Variants in PHF24 observed in about 807,000 individuals in gnomAD.
PHF24 encodes the protein Galpha inhibitory interacting protein.
Under a neutral mutation model 42.6 loss-of-function variants are expected in PHF24, and 25 were observed. That is an observed-to-expected ratio of 0.59 (90% CI 0.43 to 0.82). The LOEUF (loss-of-function observed/expected upper bound fraction) is 0.82, where lower values mean the gene tolerates loss of function less well. Among genes scored for constraint, PHF24 ranks in the 40% least tolerant of loss-of-function variants. The pLI is 0.00. For missense variants in PHF24, 470 were observed against 538.1 expected, an observed-to-expected ratio of 0.87 and a Z score of 1.25; for synonymous variants, 185 against 204.8, an observed-to-expected ratio of 0.90 and a Z score of 0.83.
At chr9:34,939,588 A>G in the PHF24 span, among the ~76,000 whole-genome samples, 5 of 152,236 alleles carry the variant, frequency 3.3e-5, no homozygotes, top group African/African-American at 1.2e-4. Flanking sequence ...TGGACCTGCC[A>G]TAATATCCCT....
chr9:34,696,461 C>A, the PHF24 span, among the ~76,000 whole-genome samples: 2 of 140,992 alleles, frequency 1.4e-5, no homozygotes, highest in African/African-American at 5.4e-5. Context: ...GCACTCCAGG[C>A]TGGCGACAGA....
chr9:34,966,582 C>CG (rs897386920), intron 1 of PHF24, among the ~76,000 whole-genome samples: 16 of 150,510 alleles, frequency 1.1e-4, no homozygotes, highest in Non-Finnish European at 2.1e-4. Flanking sequence ...ATGGCGAGAC[C>CG]CCCCCCCTCG....
At chr9:34,922,680 C>T in the PHF24 span, 1 of 1,322,078 alleles carries the variant, frequency 7.6e-7, no homozygotes, top group African/African-American at 1.5e-5. Flanking sequence ...TCTCTGTATT[C>T]TTGAGCCATC....
the PHF24 span, among the ~76,000 whole-genome samples, chr9:34,927,226 A>G: frequency 6.6e-6 from 1 of 152,100 alleles, no homozygotes; most frequent in Admixed American, 6.5e-5. Context: ...GCTGTGCAGG[A>G]CCAGAGTCAC....
chr9:34,724,066 C>T, the PHF24 span: 6 of 1,517,040 alleles, frequency 4.0e-6, no homozygotes, highest in Non-Finnish European at 5.3e-6. Context: ...CTCTGTGGTC[C>T]CTGGCTGCTT....
chr9:34,723,083 G>T, the PHF24 span: 1 of 880,952 alleles, frequency 1.1e-6, no homozygotes, highest in Non-Finnish European at 1.7e-6. Context: ...TATTTCTAGT[G>T]GCATCTGTCC....
the PHF24 span, among the ~76,000 whole-genome samples, chr9:34,924,976 T>C: frequency 6.6e-6 from 1 of 152,202 alleles, no homozygotes; most frequent in Non-Finnish European, 1.5e-5. Flanking sequence ...CATGTTTTCT[T>C]GATAATGGTA....
the PHF24 span, among the ~76,000 whole-genome samples, chr9:34,760,756 C>T: frequency 3.3e-5 from 5 of 152,176 alleles, no homozygotes; most frequent in East Asian, 5.8e-4. Flanking sequence ...CTTTGTGAGG[C>T]CGAGGTGGGA....
chr9:34,830,621 G>T, the PHF24 span, among the ~76,000 whole-genome samples: 1 of 152,150 alleles, frequency 6.6e-6, no homozygotes, highest in Admixed American at 6.5e-5. Flanking sequence ...TGCCTTTGGT[G>T]GTGGATCACT....
the PHF24 span, among the ~76,000 whole-genome samples, chr9:34,799,558 C>G: frequency 6.6e-6 from 1 of 152,110 alleles, no homozygotes; most frequent in African/African-American, 2.4e-5. Flanking sequence ...ACTTTGATAC[C>G]TTTGTGGTCC....
At chr9:34,942,861 CA>C in the PHF24 span, among the ~76,000 whole-genome samples, 538 of 150,910 alleles carry the variant, frequency 3.6e-3, 2 homozygotes, top group African/African-American at 0.012. Context: ...GGATGGGGGG[CA>C]GGGGGGAGGC....
chr9:34,679,670 G>A, the PHF24 span, among the ~76,000 whole-genome samples: 776 of 152,254 alleles, frequency 5.1e-3, 7 homozygotes, highest in African/African-American at 0.017. Context: ...AGCCGAGATC[G>A]CGGCTCTGCA....
chr9:34,878,816 A>C, the PHF24 span, among the ~76,000 whole-genome samples: 1 of 152,244 alleles, frequency 6.6e-6, no homozygotes, highest in Non-Finnish European at 1.5e-5. Flanking sequence ...AAAGGAGCAG[A>C]AACTTCTGCA....
the PHF24 span, among the ~76,000 whole-genome samples, chr9:34,710,965 A>G: frequency 5.9e-4 from 90 of 152,026 alleles, no homozygotes; most frequent in Admixed American, 1.1e-3. Context: ...CCTTTTCTAT[A>G]TATTTTGTAG....
the PHF24 span, among the ~76,000 whole-genome samples, chr9:34,735,540 C>T: frequency 0.023 from 3,465 of 151,860 alleles, 67 homozygotes; most frequent in Non-Finnish European, 0.036. Flanking sequence ...GTGGCTCACG[C>T]CTGTAATCCT....
the PHF24 span, among the ~76,000 whole-genome samples, chr9:34,703,828 A>G: frequency 6.6e-6 from 1 of 151,942 alleles, no homozygotes; most frequent in Non-Finnish European, 1.5e-5. Context: ...TGCCTCCCAA[A>G]GAGCTGAGAT....
the PHF24 span, among the ~76,000 whole-genome samples, chr9:34,810,036 C>T: frequency 6.6e-6 from 1 of 151,478 alleles, no homozygotes. Context: ...GCCGCCCACG[C>T]CTCAACTCGG....
At chr9:34,700,666 G>A in the PHF24 span, among the ~76,000 whole-genome samples, 1 of 152,162 alleles carries the variant, frequency 6.6e-6, no homozygotes, top group Admixed American at 6.5e-5. Context: ...AGAGATTCTA[G>A]CTGAAGACAC....
the PHF24 span, among the ~76,000 whole-genome samples, chr9:34,714,576 T>C: frequency 6.6e-5 from 10 of 152,242 alleles, no homozygotes; most frequent in Non-Finnish European, 1.3e-4. Flanking sequence ...GTTCTGCAGG[T>C]AATTCTAAGC....
Sources: gnomAD v4.1 joint callset for allele counts (sites outside exome capture counted in the v4.1 genomes callset) on GRCh38, gnomAD v4.1.1 for gene constraint, MANE v1.5 for transcripts, NCBI Gene and HGNC (gene_info 2026-07-23, HGNC 2026-07-21) for gene names.